The following TLN2 variants were observed in gnomAD, a reference collection of about 807,000 sequenced individuals.
The protein encoded by TLN2 is talin-2.
In TLN2, 118 loss-of-function variants were observed where a neutral mutation model predicts 294.7. The ratio of observed to expected loss-of-function variants is 0.40; its 90% confidence interval spans 0.34 to 0.47. The LOEUF is 0.47. TLN2 is among the 20% of genes least tolerant of loss of function. The probability of loss-of-function intolerance (pLI) is 0.84; values close to 1 mark genes in which losing one functional copy is unlikely to be tolerated. For synonymous variants in TLN2, 1,431 were observed against 1,304.5 expected, an observed-to-expected ratio of 1.10 and a Z score of -2.09; for missense variants, 3,083 against 3,282.2, an observed-to-expected ratio of 0.94 and a Z score of 1.48.
chr15:62,539,365 G>A (rs981449019), intron 1 of TLN2, among the ~76,000 whole-genome samples: 1 of 152,146 alleles, frequency 6.6e-6, no homozygotes, highest in African/African-American at 2.4e-5. Context: ...TAGTCCTTAA[G>A]GTGGTGATGG....
At chr15:62,600,400 C>T (rs570621182) in intron 2 of TLN2, among the ~76,000 whole-genome samples, 1 of 152,350 alleles carries the variant, frequency 6.6e-6, no homozygotes, top group Admixed American at 6.5e-5. Flanking sequence ...GGCCAGTATT[C>T]TGTCTCCCAG....
chr15:62,657,273 T>G (rs1487185925), intron 8 of TLN2, among the ~76,000 whole-genome samples: 1 of 152,144 alleles, frequency 6.6e-6, no homozygotes, highest in Non-Finnish European at 1.5e-5. Flanking sequence ...TCTTGAGTAT[T>G]GAGTTCTTGT....
At chr15:62,644,772 C>T in intron 3 of TLN2, 1 of 352,514 alleles carries the variant, frequency 2.8e-6, no homozygotes, top group South Asian at 2.2e-5. Flanking sequence ...TTAGGTCCTG[C>T]TGTTACATTT....
At chr15:62,713,136 G>A (rs769672405) in intron 22 of TLN2, among the ~76,000 whole-genome samples, 45 of 151,964 alleles carry the variant, frequency 3.0e-4, no homozygotes, top group South Asian at 8.3e-4. Context: ...GGGCATGGTG[G>A]TGTTCGCCTG....
chr15:62,759,137 A>G (rs552684673), intron 37 of TLN2, among the ~76,000 whole-genome samples: 129 of 152,226 alleles, frequency 8.5e-4, no homozygotes, highest in African/African-American at 3.1e-3. Flanking sequence ...GTGACATGGA[A>G]ACTCTCATGC....
intron 2 of TLN2, among the ~76,000 whole-genome samples, chr15:62,612,364 G>A (rs143073771): frequency 3.9e-4 from 60 of 152,180 alleles, no homozygotes; most frequent in Non-Finnish European, 7.1e-4. Flanking sequence ...TGTTGTTTTC[G>A]TTGCTTTCTC....
At chr15:62,651,903 C>A in intron 5 of TLN2, 102 bp from the exon 6 acceptor site, 9 of 1,297,316 alleles carry the variant, frequency 6.9e-6, no homozygotes, top group Non-Finnish European at 9.3e-6. Flanking sequence ...AAATCAGAGT[C>A]TACTCTGATT....
At chr15:62,766,981 G>T (rs988472876) in intron 41 of TLN2, among the ~76,000 whole-genome samples, 9 of 152,184 alleles carry the variant, frequency 5.9e-5, no homozygotes, top group African/African-American at 2.2e-4. Flanking sequence ...ATCTTGCCTG[G>T]TTGGGGTTCA....
At chr15:62,749,991 T>TA (rs1315387269) in intron 33 of TLN2, among the ~76,000 whole-genome samples, 1 of 152,276 alleles carries the variant, frequency 6.6e-6, no homozygotes, top group Admixed American at 6.5e-5. Flanking sequence ...TGAGGGTTCT[T>TA]ACTGGTCATG....
At chr15:62,731,353 T>G (rs1361520452) in intron 28 of TLN2, among the ~76,000 whole-genome samples, 1 of 152,124 alleles carries the variant, frequency 6.6e-6, no homozygotes, top group Non-Finnish European at 1.5e-5. Context: ...TTTTTTTTCT[T>G]TAAGACTGAA....
intron 2 of TLN2, among the ~76,000 whole-genome samples, chr15:62,614,572 T>G (rs896377489): frequency 2.0e-5 from 3 of 152,222 alleles, no homozygotes; most frequent in Admixed American, 2.0e-4. Context: ...GAACATTCAC[T>G]TCTTCGTTGT....
At chr15:62,639,257 CT>C (rs2050726892) in intron 3 of TLN2, among the ~76,000 whole-genome samples, 2 of 126,204 alleles carry the variant, frequency 1.6e-5, no homozygotes, top group Non-Finnish European at 1.8e-5. Context: ...ATATCTATAT[CT>C]ATGTGTATAT....
At chr15:62,673,563 C>T (rs1471252984) in intron 9 of TLN2, among the ~76,000 whole-genome samples, 3 of 8,256 alleles carry the variant, frequency 3.6e-4, no homozygotes, top group African/African-American at 8.7e-4. Flanking sequence ...TACTCTTGTG[C>T]TCTTTTTTTT....
At chr15:62,773,545 GA>G (rs999951391) in intron 42 of TLN2, among the ~76,000 whole-genome samples, 47 of 152,136 alleles carry the variant, frequency 3.1e-4, no homozygotes, top group African/African-American at 1.0e-3. Context: ...CCTTTCCTTA[GA>G]AGCCTGATGC....
intron 1 of TLN2, among the ~76,000 whole-genome samples, chr15:62,402,197 A>G (rs2033075469): frequency 2.0e-5 from 3 of 152,206 alleles, no homozygotes; most frequent in Non-Finnish European, 4.4e-5. Context: ...TTGTTTCATT[A>G]AAACAATAAG....
At chr15:62,444,531 C>G (rs940280177) in intron 1 of TLN2, among the ~76,000 whole-genome samples, 1 of 152,244 alleles carries the variant, frequency 6.6e-6, no homozygotes, top group Non-Finnish European at 1.5e-5. Context: ...AAAGAACCCT[C>G]ATTTCTTAGT....
intron 1 of TLN2, among the ~76,000 whole-genome samples, chr15:62,492,564 A>G (rs987650068): frequency 6.6e-6 from 1 of 151,206 alleles, no homozygotes; most frequent in Non-Finnish European, 1.5e-5. Context: ...AAAAAAAGAA[A>G]AAAAGAAAAA....
chr15:62,570,903 CTGTGTGTG>C (rs58523803), intron 1 of TLN2, among the ~76,000 whole-genome samples: 2,381 of 143,888 alleles, frequency 0.017, 60 homozygotes, highest in African/African-American at 0.055. Context: ...GCACAGGCAT[CTGTGTGTG>C]TGTGTGTGTG....
intron 3 of TLN2, among the ~76,000 whole-genome samples, chr15:62,642,296 G>A (rs1253370944): frequency 6.6e-6 from 1 of 152,180 alleles, no homozygotes; most frequent in South Asian, 2.1e-4. Flanking sequence ...TGAACAATAA[G>A]ATAAAATAGA....
Sources: allele counts gnomAD v4.1 joint callset (sites outside exome capture counted in the v4.1 genomes callset), GRCh38; gene constraint gnomAD v4.1.1; transcripts MANE v1.5; gene names NCBI Gene and HGNC (gene_info 2026-07-23, HGNC 2026-07-21).